The following IGF1R variants were observed in gnomAD, a reference collection of about 807,000 sequenced individuals.
IGF1R encodes insulin like growth factor 1 receptor.
Under a neutral mutation model 144.6 loss-of-function variants are expected in IGF1R, and 44 were observed. The observed-to-expected ratio is 0.30, with a 90% CI of 0.24 to 0.39. The LOEUF is 0.39. Among genes scored for constraint, IGF1R ranks in the 10% least tolerant of loss-of-function variants. IGF1R has a pLI of 1.00. For missense variants in IGF1R, 1,355 were observed against 1,833.7 expected, an observed-to-expected ratio of 0.74 and a Z score of 4.77; for synonymous variants, 795 against 722.8, an observed-to-expected ratio of 1.10 and a Z score of -1.60.
At chr15:98,741,532 A>C (rs1335312838) in intron 2 of IGF1R, among the ~76,000 whole-genome samples, 4 of 152,184 alleles carry the variant, frequency 2.6e-5, no homozygotes, top group Non-Finnish European at 1.5e-5. Flanking sequence ...GCAAAAACAC[A>C]ATCCCTTCTC....
chr15:98,908,047 C>T (rs989079176), intron 5 of IGF1R, among the ~76,000 whole-genome samples: 1 of 152,234 alleles, frequency 6.6e-6, no homozygotes, highest in Non-Finnish European at 1.5e-5. Context: ...TGTTGGACTC[C>T]GAGTCCTCTT....
rs891730531 is a variant in IGF1R, at chr15:98,707,092, G to A, written c.95-470G>A. On this transcript the variant is annotated intron_variant, in intron 1 of 20. Transcript: ENST00000650285. The surrounding 1 kb of genome is among the most constrained non-coding windows in gnomAD (Gnocchi z 6.7). ...CACAGTGACGGTTCTCCAGTGTAGA[G>A]TAGATTGATTGCCCTGTGTCCTTCA... Among the ~76,000 whole-genome samples, 2 of 152,164 alleles carry A rather than the reference G, an allele frequency of 1.3e-5. No individual in the cohort carries two copies. Among genetic ancestry groups the A allele is most frequent in the African/African-American group, 2.4e-5 (1 of 41,424 alleles).
At position 98,959,626 on chromosome 15, in the gene IGF1R, C is replaced by T; in HGVS notation, c.*2184C>T. The T allele has an allele frequency of 4.3e-6, 1 of 233,610 alleles. No individual in the cohort carries two copies. The highest frequency in any genetic ancestry group is 1.3e-3 in the Middle Eastern group (1 of 784). 14.5% of individuals were successfully genotyped at this position (233,610 alleles called of 1,614,324 possible). A position where few individuals can be genotyped will look rare whatever the true frequency, so the allele number is the denominator to read the frequency against. On this transcript the variant is annotated 3_prime_UTR_variant, in exon 21 of 21. Transcript: ENST00000650285. ...GGCCAGGAATCCAGGTCCTTGGGGC[C>T]CAGGGGTCTTGTCTTGTTTCATTTT...
At chr15:98,745,035 C>G (rs2054830870) in intron 2 of IGF1R, among the ~76,000 whole-genome samples, 1 of 152,070 alleles carries the variant, frequency 6.6e-6, no homozygotes, top group African/African-American at 2.4e-5. Context: ...TCTCTTATGA[C>G]TTTTTTAGCC....
In IGF1R at chr15:98,935,262, C is replaced by T; in HGVS notation, c.3187-54C>T. ...CAGAGACAGTTCCAGACAACACAGG[C>T]ATCAGCAAGGGCCACCTGACCCTCT... On this transcript the variant is annotated intron_variant, in intron 16 of 20. Coordinates refer to ENST00000650285, the MANE Select transcript of IGF1R (RefSeq NM_000875.5). This position sits in a 1 kb window ranked among gnomAD's most constrained non-coding sequence, Gnocchi z 4.2. The T allele has an allele frequency of 9.1e-7, 1 of 1,095,722 alleles. No individual in the cohort carries two copies. The highest frequency in any genetic ancestry group is 1.3e-6 in the Non-Finnish European group (1 of 792,060). 67.9% of individuals were successfully genotyped at this position (1,095,722 alleles called of 1,614,324 possible).
At chr15:98,886,064 C>T (rs1378511499) in intron 2 of IGF1R, among the ~76,000 whole-genome samples, 2 of 151,954 alleles carry the variant, frequency 1.3e-5, no homozygotes, top group Non-Finnish European at 2.9e-5. Context: ...TTGATCTGCC[C>T]GCCTCGGCCT....
At chr15:98,903,709 G>GAA (rs2151663080) in intron 5 of IGF1R, among the ~76,000 whole-genome samples, 1 of 152,332 alleles carries the variant, frequency 6.6e-6, no homozygotes, top group South Asian at 2.1e-4. Context: ...ATGGATAAAT[G>GAA]AAATGTGGCA....
chr15:98,776,779 G>A (rs1567123703), intron 2 of IGF1R, among the ~76,000 whole-genome samples: 1 of 152,170 alleles, frequency 6.6e-6, no homozygotes, highest in Non-Finnish European at 1.5e-5. Flanking sequence ...TCTGTGCCTT[G>A]GATGTTTTTC....
chr15:98,685,186 C>T (rs537084659), intron 1 of IGF1R, among the ~76,000 whole-genome samples: 20 of 152,098 alleles, frequency 1.3e-4, no homozygotes, highest in Non-Finnish European at 2.9e-4. Flanking sequence ...CTCAAGCAGT[C>T]CTCTCCCTCC....
chr15:98,809,412 G>C (rs1201666237), intron 2 of IGF1R, among the ~76,000 whole-genome samples: 1 of 152,168 alleles, frequency 6.6e-6, no homozygotes, highest in African/African-American at 2.4e-5. Flanking sequence ...TGGAGTCAGT[G>C]TGAGTTCTGC....
chr15:98,679,371 C>T lies in IGF1R; in HGVS notation c.95-28191C>T, dbSNP rs2053130440. Among the ~76,000 whole-genome samples, 3 of 152,132 alleles carry T rather than the reference C, an allele frequency of 2.0e-5. No homozygotes were observed. The South Asian group carries it at 6.2e-4, about 32-fold the overall frequency. On this transcript the variant is annotated intron_variant, in intron 1 of 20. Coordinates refer to ENST00000650285, the MANE Select transcript of IGF1R (RefSeq NM_000875.5). ...CTCTCTTAATCTTGATTAGATCTGC[C>T]AGAGCTGTGCTTATTTTGTGTCCCC...
intron 2 of IGF1R, among the ~76,000 whole-genome samples, chr15:98,736,250 A>G (rs540320802): frequency 5.7e-4 from 87 of 152,338 alleles, no homozygotes; most frequent in Non-Finnish European, 1.5e-5. Context: ...ATTTGCTCTG[A>G]AAAGCCAGAA....
At chr15:98,685,214 G>A (rs990571547) in intron 1 of IGF1R, among the ~76,000 whole-genome samples, 1 of 152,072 alleles carries the variant, frequency 6.6e-6, no homozygotes, top group Non-Finnish European at 1.5e-5. Context: ...CAAAGTTCTG[G>A]GATTACAGGC....
intron 2 of IGF1R, among the ~76,000 whole-genome samples, chr15:98,808,834 C>T (rs769709606): frequency 6.6e-6 from 1 of 152,020 alleles, no homozygotes; most frequent in African/African-American, 2.4e-5. Context: ...TGTGCACCAC[C>T]ATGTCTGGCT....
chr15:98,952,272 C>G (rs1239046420), intron 20 of IGF1R, among the ~76,000 whole-genome samples: 1 of 149,224 alleles, frequency 6.7e-6, no homozygotes, highest in Non-Finnish European at 1.5e-5. Context: ...ACTGGGGATC[C>G]GGGAGCCTGG....
chr15:98,912,256 T>C (rs1230844969), intron 7 of IGF1R, among the ~76,000 whole-genome samples: 1 of 152,236 alleles, frequency 6.6e-6, no homozygotes, highest in Admixed American at 6.5e-5. Flanking sequence ...TTGTACTCTT[T>C]CCTCCTGCCA....
chr15:98,752,010 C>T (rs548211325), intron 2 of IGF1R, among the ~76,000 whole-genome samples: 8 of 152,176 alleles, frequency 5.3e-5, no homozygotes, highest in Non-Finnish European at 7.4e-5. Flanking sequence ...TTTGTTTACA[C>T]GGGAATTAGG....
Position 98,890,096 on chromosome 15 carries a change from G to A in IGF1R, c.641-1229G>A, listed in dbSNP as rs937059428. Among the ~76,000 whole-genome samples the A allele has an allele frequency of 4.6e-5, 7 of 152,204 alleles. No individual in the cohort carries two copies. The East Asian group carries it at 1.3e-3, about 29-fold the overall frequency. On this transcript the variant is annotated intron_variant, in intron 2 of 20. Transcript: ENST00000650285. ...CTGATTTCACTTTAGCACACGAAGA[G>A]GCTTAGCGGAGGTGGCTTCTAATAT... is the stretch of plus-strand genomic sequence containing the variant.
At position 98,935,118 on chromosome 15, in the gene IGF1R, G is replaced by T. The variant is rs2016092167; in HGVS notation, c.3186+65G>T. 1 of 1,355,174 alleles carries T rather than the reference G, an allele frequency of 7.4e-7. No homozygotes were observed. Among genetic ancestry groups the T allele is most frequent in the East Asian group, 2.3e-5 (1 of 43,474 alleles). 83.9% of individuals were successfully genotyped at this position (1,355,174 alleles called of 1,614,324 possible). A position where few individuals can be genotyped will look rare whatever the true frequency, so the allele number is the denominator to read the frequency against. The stretch of plus-strand genomic sequence containing the variant: ...GAGAGGGTATCACACAAGCCTCCCA[G>T]TATGTTCTTGGCTGCATGTACCCGT... On this transcript the variant is annotated intron_variant, in intron 16 of 20. Coordinates refer to ENST00000650285, the MANE Select transcript of IGF1R (RefSeq NM_000875.5). This position sits in a 1 kb window ranked among gnomAD's most constrained non-coding sequence, Gnocchi z 4.2.
Sources: allele counts gnomAD v4.1 joint callset (sites outside exome capture counted in the v4.1 genomes callset), GRCh38; gene constraint gnomAD v4.1.1; non-coding constraint Gnocchi (gnomAD v3.1); transcripts MANE v1.5; gene names NCBI Gene and HGNC (gene_info 2026-07-23, HGNC 2026-07-21).